The following MTUS2 variants were observed in gnomAD, a reference collection of about 807,000 sequenced individuals.
MTUS2 encodes microtubule associated scaffold protein 2.
MTUS2 carries 40 observed loss-of-function variants against 114.1 expected under a neutral mutation model. The ratio of observed to expected loss-of-function variants is 0.35; its 90% CI spans 0.27 to 0.46. The LOEUF is 0.46. Ranked by LOEUF, MTUS2 falls within the 20% of genes least tolerant of loss-of-function variation. The pLI, the probability that MTUS2 is intolerant of heterozygous loss-of-function variation, is 1.00. For synonymous variants in MTUS2, 688 were observed against 672.0 expected (o/e 1.02, Z -0.37); for missense variants, 1,679 against 1,705.4 (o/e 0.98, Z 0.27).
chr13:29,342,870 G>T (rs1407185682), intron 7 of MTUS2, among the ~76,000 whole-genome samples: 1 of 152,020 alleles, frequency 6.6e-6, no homozygotes, highest in Non-Finnish European at 1.5e-5. Context: ...AATCATAAAG[G>T]GATGGTGGAT....
In MTUS2 at chr13:29,307,892, G is replaced by T. The variant is rs1593285788; in HGVS notation, c.2807-16721G>T. Reference sequence around the variant, plus strand: ...ACACTGAGAATCCCCCCTCCTCAGAGTTTCCATGCAGATCTCCTGAAGAGG... The same window carrying T: ...ACACTGAGAATCCCCCCTCCTCAGATTTTCCATGCAGATCTCCTGAAGAGG... On this transcript the variant is annotated intron_variant, in intron 6 of 15. Coordinates refer to ENST00000612955, the MANE Select transcript of MTUS2 (RefSeq NM_001033602.4). The T allele has an allele frequency of 7.2e-6, 4 of 553,676 alleles. No individual in the cohort carries two copies. In the East Asian group the frequency reaches 1.3e-4, roughly 19 times the overall value. 34.3% of individuals were successfully genotyped at this position (553,676 alleles called of 1,614,324 possible). A position where few individuals can be genotyped will look rare whatever the true frequency, so the allele number is the denominator to read the frequency against.
intron 2 of MTUS2, among the ~76,000 whole-genome samples, chr13:28,909,778 C>T (rs1052973334): frequency 1.3e-5 from 2 of 152,152 alleles, no homozygotes; most frequent in East Asian, 3.9e-4. Flanking sequence ...ATCTAGGAAA[C>T]CCCATCGTCT....
intron 4 of MTUS2, among the ~76,000 whole-genome samples, chr13:29,036,327 G>A (rs2138531940): frequency 6.6e-6 from 1 of 152,210 alleles, no homozygotes; most frequent in Non-Finnish European, 1.5e-5. Flanking sequence ...AGAAGAAACA[G>A]TTGGCACTTT....
chr13:29,458,962 T>C (rs1481097545), intron 9 of MTUS2, among the ~76,000 whole-genome samples: 1 of 152,258 alleles, frequency 6.6e-6, no homozygotes, highest in African/African-American at 2.4e-5. Context: ...TGTCCCTAGG[T>C]TGCTGTCCTC....
At chr13:28,880,769 C>T (rs1467533019) in intron 2 of MTUS2, among the ~76,000 whole-genome samples, 2 of 152,070 alleles carry the variant, frequency 1.3e-5, no homozygotes, top group African/African-American at 2.4e-5. Flanking sequence ...TTCAGCTATT[C>T]CTGTCACTTG....
intron 2 of MTUS2, among the ~76,000 whole-genome samples, chr13:28,999,596 T>C (rs1204238314): frequency 6.6e-6 from 1 of 152,258 alleles, no homozygotes; most frequent in Admixed American, 6.5e-5. Flanking sequence ...AGCAAATCAG[T>C]CACAAACATT....
chr13:29,291,801 A>T (rs1256534936), intron 6 of MTUS2, among the ~76,000 whole-genome samples: 1 of 151,916 alleles, frequency 6.6e-6, no homozygotes, highest in Non-Finnish European at 1.5e-5. Flanking sequence ...AGAAAATGGA[A>T]TTGAGTTGTC....
intron 2 of MTUS2, among the ~76,000 whole-genome samples, chr13:28,867,293 T>G (rs186976795): frequency 1.3e-4 from 20 of 152,308 alleles, no homozygotes; most frequent in Non-Finnish European, 4.4e-5. Context: ...ACCAAAGCTC[T>G]TTTTTTCTTC....
chr13:29,363,673 G>A (rs897465065), intron 8 of MTUS2, among the ~76,000 whole-genome samples: 3 of 152,124 alleles, frequency 2.0e-5, no homozygotes, highest in African/African-American at 4.8e-5. Flanking sequence ...TTAGTTAGGG[G>A]TATGTATATT....
chr13:29,107,945 T>A (rs7994936), intron 5 of MTUS2, among the ~76,000 whole-genome samples: 102,149 of 152,032 alleles, frequency 0.67, 35,037 homozygotes, highest in Non-Finnish European at 0.74. Context: ...TGGGGATAAT[T>A]ATCTGAAGTG....
rs550059588 is a variant in MTUS2 at position 28,840,736 on chromosome 13, A to G, written c.-243+886A>G. Among the ~76,000 whole-genome samples, 15 of 152,286 alleles carry G rather than the reference A, an allele frequency of 9.8e-5. No homozygotes were observed. The East Asian group carries it at 2.9e-3, about 29-fold the overall frequency. Reference sequence around the variant, plus strand: ...ATTCAACTCATGATAGACTCTAAGGAAGGGACACTTTTTGTTAAGGTCTGG... The same window carrying G: ...ATTCAACTCATGATAGACTCTAAGGGAGGGACACTTTTTGTTAAGGTCTGG... On this transcript the variant is annotated intron_variant, in intron 2 of 15. Coordinates refer to ENST00000612955, the MANE Select transcript of MTUS2 (RefSeq NM_001033602.4).
chr13:29,332,761 A>G (rs9579325), intron 7 of MTUS2, among the ~76,000 whole-genome samples: 28,266 of 149,334 alleles, frequency 0.19, 2,732 homozygotes, highest in Middle Eastern at 0.22. Context: ...CAGCCTCCCG[A>G]GTAGCTGGGA....
At chr13:29,289,052 A>T (rs980697609) in intron 6 of MTUS2, among the ~76,000 whole-genome samples, 1 of 152,226 alleles carries the variant, frequency 6.6e-6, no homozygotes, top group African/African-American at 2.4e-5. Context: ...CTATTTTTGT[A>T]TAGCAAATTG....
At chr13:28,972,235 TGCAGCCCTTG>T (rs1348165713) in intron 2 of MTUS2, among the ~76,000 whole-genome samples, 4 of 152,236 alleles carry the variant, frequency 2.6e-5, no homozygotes, top group Admixed American at 2.0e-4. Flanking sequence ...TGGGGGAAGA[TGCAGCCCTTG>T]GCATCACAGC....
At chr13:29,463,034 G>A (rs1390928744) in intron 9 of MTUS2, among the ~76,000 whole-genome samples, 1 of 152,138 alleles carries the variant, frequency 6.6e-6, no homozygotes, top group Non-Finnish European at 1.5e-5. Context: ...TCTTGTAAGA[G>A]GGAAGTTATA....
At chr13:29,336,046 G>T (rs1194678080) in intron 7 of MTUS2, among the ~76,000 whole-genome samples, 1 of 152,120 alleles carries the variant, frequency 6.6e-6, no homozygotes, top group Non-Finnish European at 1.5e-5. Flanking sequence ...GGTCATTTAT[G>T]TTCTTCTCTA....
At chr13:29,493,747 C>T (rs530574550) in intron 12 of MTUS2, among the ~76,000 whole-genome samples, 9 of 152,312 alleles carry the variant, frequency 5.9e-5, no homozygotes, top group South Asian at 2.1e-4. Flanking sequence ...CCAATAGTTG[C>T]GCTATCCTTA....
intron 8 of MTUS2, among the ~76,000 whole-genome samples, chr13:29,412,157 G>C (rs1054965161): frequency 2.6e-5 from 4 of 152,164 alleles, no homozygotes; most frequent in African/African-American, 9.7e-5. Flanking sequence ...CTTTGTTCCT[G>C]ATTTGAATGT....
At chr13:29,474,621 A>C (rs901106524) in intron 9 of MTUS2, among the ~76,000 whole-genome samples, 1 of 152,136 alleles carries the variant, frequency 6.6e-6, no homozygotes, top group Non-Finnish European at 1.5e-5. Context: ...TTAACAATAT[A>C]TTACGGAGGT....
Sources: gnomAD v4.1 joint callset for allele counts (sites outside exome capture counted in the v4.1 genomes callset) on GRCh38, gnomAD v4.1.1 for gene constraint, MANE v1.5 for transcripts, NCBI Gene and HGNC (gene_info 2026-07-23, HGNC 2026-07-21) for gene names.